The following HDAC9 variants were observed in gnomAD, a reference collection of about 807,000 sequenced individuals.
The protein encoded by HDAC9 is histone deacetylase 9, also known as MEF-2 interacting transcription repressor (MITR) protein.
A neutral mutation model predicts 139.4 loss-of-function variants in HDAC9; 41 were observed. The ratio of observed to expected loss-of-function variants is 0.29; its 90% CI spans 0.23 to 0.38. The LOEUF is 0.38. Ranked by LOEUF, HDAC9 falls within the 10% of genes least tolerant of loss-of-function variation. The pLI, the probability that HDAC9 is intolerant of heterozygous loss-of-function variation, is 1.00. For missense variants in HDAC9, 1,147 were observed against 1,297.0 expected (o/e 0.88, Z 1.78); for synonymous variants, 517 against 476.2 (o/e 1.09, Z -1.12).
chr7:18,854,460 A>T (rs1277384701), intron 21 of HDAC9, among the ~76,000 whole-genome samples: 1 of 152,186 alleles, frequency 6.6e-6, no homozygotes, highest in African/African-American at 2.4e-5. Context: ...ATGGTCATTT[A>T]ATCAATACAG....
intron 6 of HDAC9, among the ~76,000 whole-genome samples, chr7:18,628,404 A>G (rs1001700122): frequency 6.6e-6 from 1 of 152,164 alleles, no homozygotes; most frequent in Non-Finnish European, 1.5e-5. Flanking sequence ...TTGATAAAAC[A>G]TTTAGAATAG....
intron 1 of HDAC9, among the ~76,000 whole-genome samples, chr7:18,358,392 T>A (rs1041348856): frequency 2.7e-4 from 41 of 152,234 alleles, no homozygotes; most frequent in African/African-American, 8.2e-4. Flanking sequence ...AGCTTTTAGC[T>A]TATTAGGTGT....
intron 1 of HDAC9, among the ~76,000 whole-genome samples, chr7:18,152,721 T>C (rs1472746689): frequency 6.6e-6 from 1 of 152,230 alleles, no homozygotes; most frequent in Non-Finnish European, 1.5e-5. Context: ...ACATGTTACA[T>C]TCAAGCAGAG....
chr7:18,584,257 C>T (rs1828760339), intron 2 of HDAC9, among the ~76,000 whole-genome samples: 1 of 149,982 alleles, frequency 6.7e-6, no homozygotes, highest in South Asian at 2.1e-4. Flanking sequence ...TCTCCTGCCT[C>T]AGCTGGGACT....
At chr7:18,359,374 A>T (rs920089256) in intron 1 of HDAC9, among the ~76,000 whole-genome samples, 7 of 152,240 alleles carry the variant, frequency 4.6e-5, no homozygotes, top group Admixed American at 2.0e-4. Flanking sequence ...ATTAAATAGT[A>T]AATTGTGGCA....
intron 1 of HDAC9, among the ~76,000 whole-genome samples, chr7:18,452,256 G>A (rs1792940443): frequency 6.6e-6 from 1 of 152,114 alleles, no homozygotes; most frequent in Admixed American, 6.6e-5. Context: ...CAACCAAAAT[G>A]AGCACTAAGA....
At chr7:18,992,620 A>G (rs12670036) in intron 25 of HDAC9, among the ~76,000 whole-genome samples, 17,584 of 152,230 alleles carry the variant, frequency 0.12, 1,746 homozygotes, top group East Asian at 0.4. Flanking sequence ...AACAAATGCT[A>G]TTTTTAAAAC....
chr7:18,987,233 A>G (rs1025225503), intron 25 of HDAC9, among the ~76,000 whole-genome samples: 1 of 152,194 alleles, frequency 6.6e-6, no homozygotes, highest in Non-Finnish European at 1.5e-5. Flanking sequence ...TTAATTTGGA[A>G]TACGTCCCAT....
Position 19,000,689 on chromosome 7 carries a change from AT to A in HDAC9, c.*4630del, listed in dbSNP as rs1281083470. 6.6e-6 allele frequency: 1 copy of A among 152,180 alleles called. No individual in the cohort carries two copies. Among genetic ancestry groups the A allele is most frequent in the Non-Finnish European group, 1.5e-5 (1 of 68,028 alleles). The allele number at this position is 152,180 out of a possible 1,614,324, so 9.4% of individuals were successfully genotyped here. ...ATGATAAGGTAATAAGGTTGTTGCA[AT>A]TTCTCAAAGCATCTTAATTCTCAAA... On this transcript the variant is annotated 3_prime_UTR_variant, in exon 26 of 26. Transcript: ENST00000686413.
At chr7:18,799,138 TAAAAGAAA>T (rs1793078636) in intron 17 of HDAC9, among the ~76,000 whole-genome samples, 1 of 147,908 alleles carries the variant, frequency 6.8e-6, no homozygotes, top group African/African-American at 2.5e-5. Flanking sequence ...TTTTAAGCAT[TAAAAGAAA>T]TATATTTATC....
chr7:18,782,723 A>G (rs1791354652), intron 16 of HDAC9, among the ~76,000 whole-genome samples: 2 of 151,958 alleles, frequency 1.3e-5, no homozygotes, highest in South Asian at 2.1e-4. Flanking sequence ...CTTAGTTACC[A>G]TTGACTGAGA....
At chr7:18,901,972 T>C (rs1801768371) in intron 22 of HDAC9, among the ~76,000 whole-genome samples, 1 of 152,226 alleles carries the variant, frequency 6.6e-6, no homozygotes, top group Non-Finnish European at 1.5e-5. Context: ...TCAGGAACCC[T>C]GTAAAGTGGC....
chr7:18,809,157 A>G (rs964608778), intron 17 of HDAC9, among the ~76,000 whole-genome samples: 2 of 152,050 alleles, frequency 1.3e-5, no homozygotes, highest in African/African-American at 4.8e-5. Context: ...ATAAAATTGG[A>G]TCCTCACTTA....
At position 18,984,391 on chromosome 7, in the gene HDAC9, G is replaced by C. The variant is rs558490043; in HGVS notation, c.3170+8438G>C. Among the ~76,000 whole-genome samples the C allele has an allele frequency of 3.9e-5, 6 of 152,046 alleles. No homozygotes were observed. In the East Asian group the frequency reaches 9.7e-4, roughly 25 times the overall value. Reference sequence around the variant, plus strand: ...ATCATGGCACAAAATTTAATGGAAGGGAATTAAAATATTTATTACCATTCG... The same window carrying C: ...ATCATGGCACAAAATTTAATGGAAGCGAATTAAAATATTTATTACCATTCG... On this transcript the variant is annotated intron_variant, in intron 25 of 25. Transcript: ENST00000686413.
At chr7:18,591,318 C>T (rs1830873656) in intron 4 of HDAC9, among the ~76,000 whole-genome samples, 198 bp from the exon 5 acceptor site, 1 of 152,134 alleles carries the variant, frequency 6.6e-6, no homozygotes, top group African/African-American at 2.4e-5. Flanking sequence ...TAAAGCATTA[C>T]TGTACTATTT....
chr7:18,935,195 T>TC (rs1781542058), intron 22 of HDAC9, among the ~76,000 whole-genome samples: 1 of 152,194 alleles, frequency 6.6e-6, no homozygotes, highest in Admixed American at 6.5e-5. Context: ...AACTTAATTT[T>TC]CCTTAAGTTG....
intron 2 of HDAC9, among the ~76,000 whole-genome samples, chr7:18,232,723 C>T (rs1384214969): frequency 1.3e-5 from 2 of 152,170 alleles, no homozygotes; most frequent in African/African-American, 4.8e-5. Context: ...TAATGGTTTG[C>T]ATGCCACCAG....
chr7:18,947,774 A>G (rs1322711094), intron 23 of HDAC9, among the ~76,000 whole-genome samples: 1 of 152,008 alleles, frequency 6.6e-6, no homozygotes, highest in African/African-American at 2.4e-5. Flanking sequence ...TGTGATACCA[A>G]TACCAAAAAC....
intron 22 of HDAC9, among the ~76,000 whole-genome samples, chr7:18,913,008 G>A (rs915855046): frequency 5.3e-5 from 8 of 152,046 alleles, no homozygotes; most frequent in East Asian, 1.9e-4. Flanking sequence ...CAGTGAAAAC[G>A]TTGCTATTTA....
Sources: allele counts gnomAD v4.1 joint callset (sites outside exome capture counted in the v4.1 genomes callset), GRCh38; gene constraint gnomAD v4.1.1; transcripts MANE v1.5; gene names NCBI Gene and HGNC (gene_info 2026-07-23, HGNC 2026-07-21).